Variants in USP10 observed in about 807,000 individuals in gnomAD.
USP10 encodes the protein ubiquitin specific peptidase 10.
A neutral mutation model predicts 84.5 loss-of-function variants in USP10; 22 were observed. That is an observed-to-expected ratio of 0.26 (90% CI 0.19 to 0.37). USP10 has a LOEUF of 0.37. USP10 is among the 10% of genes least tolerant of loss of function. The pLI is 1.00. For synonymous variants in USP10, 454 were observed against 387.6 expected (o/e 1.17, Z -2.01); for missense variants, 1,019 against 998.9 (o/e 1.02, Z -0.27).
chr16:84,738,248 A>G (rs1193859697), intron 2 of USP10, among the ~76,000 whole-genome samples: 1 of 152,252 alleles, frequency 6.6e-6, no homozygotes, highest in Non-Finnish European at 1.5e-5. Flanking sequence ...TTGATATAAT[A>G]GTGATGAAAC....
chr16:84,748,650 C>A (rs147731345), intron 4 of USP10, among the ~76,000 whole-genome samples: 1 of 152,288 alleles, frequency 6.6e-6, no homozygotes, highest in East Asian at 1.9e-4. Context: ...AAAGGAAAAC[C>A]TCCCATCTTA....
At chr16:84,728,833 C>T (rs1046881011) in intron 1 of USP10, among the ~76,000 whole-genome samples, 5 of 152,138 alleles carry the variant, frequency 3.3e-5, no homozygotes, top group Admixed American at 2.6e-4. Flanking sequence ...GAGTCTTCCT[C>T]TGTCATTCAG....
intron 12 of USP10, among the ~76,000 whole-genome samples, chr16:84,774,911 G>A (rs151122134): frequency 2.2e-3 from 337 of 152,274 alleles, no homozygotes; most frequent in Non-Finnish European, 3.9e-3. Flanking sequence ...CCTCCCACAG[G>A]AGCATCACAG....
rs550055742 is a variant in USP10, at chr16:84,728,848, G to C, written c.22-4587G>C. Among the ~76,000 whole-genome samples the C allele has an allele frequency of 5.9e-5, 9 of 152,056 alleles. No homozygotes were observed. The South Asian group carries it at 1.9e-3, about 32-fold the overall frequency. ...GAGTCTTCCTCTGTCATTCAGGCTG[G>C]AGTGTAGTGGCACCATCTTGGCTCA... is the stretch of plus-strand genomic sequence containing the variant. On this transcript the variant is annotated intron_variant, in intron 1 of 13. Coordinates refer to ENST00000219473, the MANE Select transcript of USP10 (RefSeq NM_005153.3).
intron 10 of USP10, 104 bp downstream of exon 10, chr16:84,764,367 A>G (rs1051937698): frequency 3.4e-6 from 5 of 1,458,872 alleles, no homozygotes; most frequent in Admixed American, 1.8e-5. Context: ...CTTGGACGTA[A>G]TGGTTTGCAT....
At position 84,717,701 on chromosome 16, in the gene USP10, G is replaced by A. The variant is rs376446964; in HGVS notation, c.22-15734G>A. On this transcript the variant is annotated intron_variant, in intron 1 of 13. Coordinates refer to ENST00000219473, the MANE Select transcript of USP10 (RefSeq NM_005153.3). ...GGGCCTGTGCTGGATAGTAACTGTA[G>A]AGTTGAAGAGGAGATGCATCACTTC... 6.7e-4 allele frequency among the ~76,000 whole-genome samples: 102 copies of A among 152,292 alleles called. 2 individuals carry two copies. In the South Asian group the frequency reaches 0.02, roughly 31 times the overall value.
At chr16:84,760,649 A>G (rs780418742) in intron 8 of USP10, among the ~76,000 whole-genome samples, 1 of 152,210 alleles carries the variant, frequency 6.6e-6, no homozygotes, top group Non-Finnish European at 1.5e-5. Flanking sequence ...TGATGGCAGT[A>G]TTCAGAAGAG....
chr16:84,739,802 C>G (rs1000171030), intron 2 of USP10, among the ~76,000 whole-genome samples: 1 of 152,204 alleles, frequency 6.6e-6, no homozygotes. Flanking sequence ...AAAAAGGGAG[C>G]TGCAGTCACC....
chr16:84,772,410 A>G (rs1354655957), intron 11 of USP10, 131 bp from the exon 12 acceptor site: 2 of 1,260,024 alleles, frequency 1.6e-6, no homozygotes, highest in Non-Finnish European at 2.2e-6. Context: ...GGGCAGGAAA[A>G]GCCATGAAGT....
At chr16:84,756,362 G>A (rs906822609) in intron 4 of USP10, among the ~76,000 whole-genome samples, 2 of 152,194 alleles carry the variant, frequency 1.3e-5, no homozygotes, top group Non-Finnish European at 2.9e-5. Flanking sequence ...GGAGACCAAG[G>A]CAGGTGGATC....
At position 84,745,421 on chromosome 16, in the gene USP10, C is replaced by G. The variant is rs757905790; in HGVS notation, c.940C>G (p.Pro314Ala). 3 of 1,613,564 alleles carry G rather than the reference C, an allele frequency of 1.9e-6. No homozygotes were observed. The highest frequency in any genetic ancestry group is 2.5e-6 in the Non-Finnish European group (3 of 1,179,714). Residue 314 changes from proline to alanine, a missense_variant, in exon 4 of 14, where the codon CCA (proline) becomes GCA (alanine). Coordinates refer to ENST00000219473, the MANE Select transcript of USP10 (RefSeq NM_005153.3). ...CACCACGGAAAGCATAGACTTGGACCCAACCAAACCCGAGAGTGCATCACC... is the reference window on the plus strand; with the variant it reads ...CACCACGGAAAGCATAGACTTGGACGCAACCAAACCCGAGAGTGCATCACC... Reference protein sequence around the residue: ...LHTTESIDLDPTKPESASPPA... With the variant: ...LHTTESIDLDATKPESASPPA...
chr16:84,727,487 CAA>C (rs869091586), intron 1 of USP10, among the ~76,000 whole-genome samples: 3 of 145,588 alleles, frequency 2.1e-5, no homozygotes, highest in African/African-American at 7.4e-5. Context: ...AACAAACAAA[CAA>C]AAACTCTTTA....
At chr16:84,745,765 A>G (rs1255211299) in intron 4 of USP10, 92 bp downstream of exon 4, 6 of 1,329,656 alleles carry the variant, frequency 4.5e-6, no homozygotes, top group Non-Finnish European at 6.1e-6. Flanking sequence ...TAACAATGGC[A>G]GATTACCTGT....
intron 12 of USP10, among the ~76,000 whole-genome samples, chr16:84,773,271 G>A (rs1224688790): frequency 6.6e-6 from 1 of 152,204 alleles, no homozygotes; most frequent in East Asian, 1.9e-4. Flanking sequence ...AAAACGTATA[G>A]TACAACACTG....
intron 3 of USP10, among the ~76,000 whole-genome samples, chr16:84,741,210 C>A (rs1027277191): frequency 2.0e-5 from 3 of 152,186 alleles, no homozygotes; most frequent in Admixed American, 1.3e-4. Flanking sequence ...GTTTTATCTC[C>A]AGTAACATCA....
chr16:84,774,284 T>C (rs1229641499), intron 12 of USP10, among the ~76,000 whole-genome samples: 1 of 151,914 alleles, frequency 6.6e-6, no homozygotes, highest in Non-Finnish European at 1.5e-5. Context: ...CAAGAGGACC[T>C]CACTTGGGTC....
chr16:84,763,228 C>T, intron 9 of USP10, 140 bp downstream of exon 9: 1 of 495,756 alleles, frequency 2.0e-6, no homozygotes, highest in Non-Finnish European at 3.6e-6. Context: ...TAACTTACAC[C>T]ATCGAGAAGG....
intron 13 of USP10, among the ~76,000 whole-genome samples, chr16:84,777,313 G>C (rs1392616618): frequency 4.6e-5 from 7 of 152,206 alleles, no homozygotes; most frequent in Admixed American, 2.0e-4. Context: ...TTGTGGGAAA[G>C]ACAAGTTAGT....
In USP10 at chr16:84,779,017, G is replaced by A. The variant is rs201068388; in HGVS notation, c.2332G>A (p.Val778Met). The A allele has an allele frequency of 2.5e-6, 4 of 1,614,038 alleles. No individual in the cohort carries two copies. Among genetic ancestry groups the A allele is most frequent in the East Asian group, 2.2e-5 (1 of 44,882 alleles). ...AGTCAAGGTGATCAACCAGTACCAG[G>A]TGGTGAAACCAACTGCTGAACGCAC... ...QTVKVINQYQ[V>M]VKPTAERTAY... is the part of the protein sequence containing the mutation. The change falls in exon 14 of 14, where the codon GTG becomes ATG. Residue 778 changes from valine (V) to methionine (M), a missense_variant. This residue lies in a region of USP10 where 232 missense variants were observed against 290.1 expected (regional missense o/e 0.80). Coordinates refer to ENST00000219473, the MANE Select transcript of USP10 (RefSeq NM_005153.3).
Sources: gnomAD v4.1 joint callset for allele counts (sites outside exome capture counted in the v4.1 genomes callset) on GRCh38, gnomAD v4.1.1 for gene constraint, gnomAD v4.1.1 regional missense constraint, MANE v1.5 for transcripts, NCBI Gene and HGNC (gene_info 2026-07-23, HGNC 2026-07-21) for gene names.